Variants in LINGO2 observed in about 807,000 individuals in gnomAD.
LINGO2 encodes leucine rich repeat and Ig domain containing 2, also known as leucine-rich repeat and immunoglobulin-like domain-containing nogo receptor-interacting protein 2.
A neutral mutation model predicts 30.6 loss-of-function variants in LINGO2; 14 were observed. The observed-to-expected ratio is 0.46, with a 90% CI of 0.30 to 0.72. LINGO2 has a LOEUF of 0.72. Ranked by LOEUF, LINGO2 falls within the 30% of genes least tolerant of loss-of-function variation. The probability of loss-of-function intolerance (pLI) is 0.07; values close to 1 mark genes in which losing one functional copy is unlikely to be tolerated. For missense variants in LINGO2, 729 were observed against 751.7 expected (o/e 0.97, Z 0.35); for synonymous variants, 317 against 288.5 (o/e 1.10, Z -1.00).
At chr9:28,171,281 C>G (rs1828574127) in intron 4 of LINGO2, among the ~76,000 whole-genome samples, 1 of 152,168 alleles carries the variant, frequency 6.6e-6, no homozygotes, top group African/African-American at 2.4e-5. Context: ...GGACATGGAA[C>G]AAACTTGCAG....
chr9:28,314,876 T>G (rs2134272473), intron 3 of LINGO2, among the ~76,000 whole-genome samples: 1 of 151,422 alleles, frequency 6.6e-6, no homozygotes, highest in African/African-American at 2.4e-5. Flanking sequence ...TCCCAGCTAC[T>G]CGGGAGGCTG....
intron 4 of LINGO2, among the ~76,000 whole-genome samples, chr9:28,288,815 C>A (rs928680522): frequency 1.3e-5 from 2 of 152,178 alleles, no homozygotes; most frequent in Non-Finnish European, 2.9e-5. Context: ...GCCCACTGCT[C>A]TCTGCAGAGA....
At chr9:28,206,163 TCAAAAAAA>T (rs1820402084) in intron 4 of LINGO2, among the ~76,000 whole-genome samples, 1 of 66,644 alleles carries the variant, frequency 1.5e-5, no homozygotes, top group Non-Finnish European at 2.7e-5. Context: ...AGACCCTGTT[TCAAAAAAA>T]AAAAAAAAAA....
exon 6 of LINGO2, chr9:27,948,857 C>A (rs185093799): frequency 1.9e-6 from 3 of 1,606,088 alleles, no homozygotes; most frequent in Non-Finnish European, 2.5e-6. Context: ...GCCTTCAAAT[C>A]ATTTTCATGT....
the LINGO2 span, among the ~76,000 whole-genome samples, chr9:28,716,268 A>G: frequency 6.6e-6 from 1 of 151,880 alleles, no homozygotes; most frequent in Non-Finnish European, 1.5e-5. Flanking sequence ...TCTTTTTTTA[A>G]TTTTTTACAA....
the LINGO2 span, among the ~76,000 whole-genome samples, chr9:28,798,059 G>A: frequency 6.6e-6 from 1 of 152,074 alleles, no homozygotes; most frequent in Non-Finnish European, 1.5e-5. Context: ...TATAAAAGCA[G>A]TTTTGGTTGA....
intron 1 of LINGO2, among the ~76,000 whole-genome samples, chr9:28,614,172 T>A (rs1431315287): frequency 6.6e-6 from 1 of 152,140 alleles, no homozygotes; most frequent in African/African-American, 2.4e-5. Context: ...AGTTACTATA[T>A]TCTTTAAAAA....
intron 3 of LINGO2, among the ~76,000 whole-genome samples, chr9:28,327,156 A>G (rs1048958038): frequency 2.6e-5 from 4 of 152,166 alleles, no homozygotes; most frequent in Non-Finnish European, 1.5e-5. Flanking sequence ...CATGAGAAAC[A>G]GGCCCTCCCT....
rs763522694 is a variant in LINGO2, at chr9:28,003,342, T to TATATATATAGATAG, written c.-36+9012_-36+9013insCTATCTATATATAT. Among the ~76,000 whole-genome samples, 12 of 141,734 alleles carry TATATATATAGATAG rather than the reference T, an allele frequency of 8.5e-5. No individual in the cohort carries two copies. In the South Asian group the frequency reaches 2.5e-3, roughly 30 times the overall value. The allele number at this position is 141,734 out of a possible 152,430, so 93.0% of individuals were successfully genotyped here. A position where few individuals can be genotyped will look rare whatever the true frequency, so the allele number is the denominator to read the frequency against. On this transcript the variant is annotated intron_variant, in intron 5 of 5. Transcript: ENST00000379992. ...TGTTAACCATATAGATATATAGATA[T>TATATATATAGATAG]ATAGATAGATAGATAGATAGATAGA...
At chr9:28,042,403 GAAA>G (rs1212472165) in intron 4 of LINGO2, among the ~76,000 whole-genome samples, 1 of 152,150 alleles carries the variant, frequency 6.6e-6, no homozygotes, top group Non-Finnish European at 1.5e-5. Flanking sequence ...GGAAAAAGAT[GAAA>G]AAGTCACTGG....
At chr9:28,974,949 C>A in the LINGO2 span, among the ~76,000 whole-genome samples, 1 of 152,040 alleles carries the variant, frequency 6.6e-6, no homozygotes, top group Non-Finnish European at 1.5e-5. Context: ...GACTGTATTG[C>A]TTGCTTTGCT....
the LINGO2 span, among the ~76,000 whole-genome samples, chr9:28,881,598 C>CTT: frequency 7.0e-6 from 1 of 143,286 alleles, no homozygotes; most frequent in Non-Finnish European, 1.5e-5. Context: ...TACTGACAAC[C>CTT]TTTTTTTTTT....
intron 2 of LINGO2, among the ~76,000 whole-genome samples, chr9:28,414,438 A>T (rs144811012): frequency 9.4e-4 from 143 of 152,250 alleles, no homozygotes; most frequent in South Asian, 8.5e-3. Context: ...TGTGCTTGCA[A>T]GTCTTCAAAA....
chr9:28,785,715 CACT>C, the LINGO2 span, among the ~76,000 whole-genome samples: 1 of 148,112 alleles, frequency 6.8e-6, no homozygotes, highest in African/African-American at 2.5e-5. Flanking sequence ...CATGCACACA[CACT>C]ACATCAACAA....
chr9:28,882,745 A>G, the LINGO2 span, among the ~76,000 whole-genome samples: 3 of 152,148 alleles, frequency 2.0e-5, no homozygotes, highest in Admixed American at 6.5e-5. Flanking sequence ...ATAAAGTAGT[A>G]GTTATTATTG....
intron 4 of LINGO2, among the ~76,000 whole-genome samples, chr9:28,093,481 T>A (rs1826157083): frequency 6.6e-6 from 1 of 152,106 alleles, no homozygotes; most frequent in Non-Finnish European, 1.5e-5. Context: ...ATTCATGGAC[T>A]GTATTTAGTG....
chr9:28,830,893 CACACACACAA>C, the LINGO2 span, among the ~76,000 whole-genome samples: 1 of 151,628 alleles, frequency 6.6e-6, no homozygotes, highest in Admixed American at 6.6e-5. Flanking sequence ...CGCACGCACG[CACACACACAA>C]ACACACACAC....
the LINGO2 span, among the ~76,000 whole-genome samples, chr9:28,683,182 C>T: frequency 6.6e-6 from 1 of 152,138 alleles, no homozygotes; most frequent in Admixed American, 6.5e-5. Context: ...ATCAATGTGC[C>T]CATACCCTAT....
chr9:28,254,776 CT>C (rs1242782583), intron 4 of LINGO2, among the ~76,000 whole-genome samples: 17 of 152,026 alleles, frequency 1.1e-4, no homozygotes, highest in African/African-American at 4.1e-4. Flanking sequence ...TAAAATTTAA[CT>C]TTTAAGTTCA....
Sources: allele counts gnomAD v4.1 joint callset (sites outside exome capture counted in the v4.1 genomes callset), GRCh38; gene constraint gnomAD v4.1.1; transcripts MANE v1.5; gene names NCBI Gene and HGNC (gene_info 2026-07-23, HGNC 2026-07-21).